BROX: variants seen among roughly 807,000 people sequenced by gnomAD.
The protein encoded by BROX is BRO1 domain-containing protein BROX.
A neutral mutation model predicts 61.0 loss-of-function variants in BROX; 53 were observed. The observed-to-expected ratio is 0.87, with a 90% CI of 0.70 to 1.09. The LOEUF (loss-of-function observed/expected upper bound fraction) is 1.09, where lower values mean the gene tolerates loss of function less well. Ranked by LOEUF, BROX falls within the 50% of genes least tolerant of loss-of-function variation. The pLI, the probability that BROX is intolerant of heterozygous loss-of-function variation, is 0.00. For missense variants in BROX, 489 were observed against 472.0 expected, an observed-to-expected ratio of 1.04 and a Z score of -0.33; for synonymous variants, 152 against 160.2, an observed-to-expected ratio of 0.95 and a Z score of 0.38.
At chr1:222,717,667 A>G (rs938729477) in intron 2 of BROX, among the ~76,000 whole-genome samples, 5 of 152,326 alleles carry the variant, frequency 3.3e-5, no homozygotes, top group Admixed American at 2.0e-4. Context: ...ATACATACAT[A>G]CTTTCTTGGA....
At position 222,715,683 on chromosome 1, in the gene BROX, GA is replaced by G; in HGVS notation, c.-13del. 7.0e-7 allele frequency: 1 copy of G among 1,423,660 alleles called. No individual in the cohort carries two copies. Among genetic ancestry groups the G allele is most frequent in the Non-Finnish European group, 9.3e-7 (1 of 1,077,406 alleles). 88.2% of individuals were successfully genotyped at this position (1,423,660 alleles called of 1,614,324 possible). A position where few individuals can be genotyped will look rare whatever the true frequency, so the allele number is the denominator to read the frequency against. ...TATATTTTTTACTTTTTTGTCTATA[GA>G]AAACATCTGGAGAAAATGACCCATT... On this transcript the variant is annotated splice_region_variant and 5_prime_UTR_variant, in exon 2 of 13. Coordinates refer to ENST00000340934, the MANE Select transcript of BROX (RefSeq NM_144695.4).
chr1:222,730,198 C>T, intron 11 of BROX, 21 bp downstream of exon 11: 1 of 1,424,360 alleles, frequency 7.0e-7, no homozygotes, highest in South Asian at 1.4e-5. Context: ...TTTAATATTA[C>T]TTTAGTAATA....
At position 222,718,959 on chromosome 1, in the gene BROX, C is replaced by G. The variant is rs1056634679; in HGVS notation, c.136C>G (p.Leu46Val). The change falls in exon 3 of 13, where the codon CTG (leucine) becomes GTG (valine). Residue 46 changes from leucine to valine, a missense_variant. Coordinates refer to ENST00000340934, the MANE Select transcript of BROX (RefSeq NM_144695.4). The part of the protein sequence containing the change: ...LRSSRARLLE[L>V]FTDLSCNPEM... The stretch of plus-strand genomic sequence containing the variant: ...GTCATCCAGGGCACGACTCCTTGAA[C>G]TGTTCACTGATTTGAGCTGTAATCC... 1.9e-5 allele frequency: 31 copies of G among 1,613,930 alleles called. No homozygotes were observed. The highest frequency in any genetic ancestry group is 2.5e-5 in the Non-Finnish European group (29 of 1,179,900).
chr1:222,731,027 C>T (rs1352107037), intron 11 of BROX, among the ~76,000 whole-genome samples: 1 of 152,104 alleles, frequency 6.6e-6, no homozygotes, highest in Non-Finnish European at 1.5e-5. Context: ...CATTCTTCCC[C>T]TTATATTCTT....
At chr1:222,726,837 A>G (rs2125030639) in intron 7 of BROX, among the ~76,000 whole-genome samples, 1 of 152,266 alleles carries the variant, frequency 6.6e-6, no homozygotes, top group East Asian at 1.9e-4. Flanking sequence ...GTAAGCCATG[A>G]TCAAGCCACT....
chr1:222,732,577 G>C, intron 12 of BROX, 51 bp from the exon 13 acceptor site: 1 of 1,315,104 alleles, frequency 7.6e-7, no homozygotes, highest in Non-Finnish European at 1.1e-6. Flanking sequence ...TTTAGTGTTT[G>C]TTTTCTCAAT....
At position 222,727,206 on chromosome 1, in the gene BROX, G is replaced by A; in HGVS notation, c.619G>A (p.Gly207Arg). 1.9e-6 allele frequency: 3 copies of A among 1,613,662 alleles called. 1 individual carries two copies. Among genetic ancestry groups the A allele is most frequent in the Non-Finnish European group, 2.5e-6 (3 of 1,179,788 alleles). The stretch of plus-strand genomic sequence containing the variant: ...AGCAATTGAACTAAAACATGCTCCT[G>A]GACTAATTGCTGCACTGGCGTATGA... ...ARAIELKHAP[G>R]LIAALAYETA... The change falls in exon 8 of 13, where the codon GGA becomes AGA. Residue 207 changes from glycine (G) to arginine (R), a missense_variant. Physicochemically the swap from Gly to Arg is moderately radical, Grantham distance 125. Transcript: ENST00000340934.
chr1:222,727,559 G>C (rs1352130635), intron 8 of BROX, among the ~76,000 whole-genome samples: 1 of 152,102 alleles, frequency 6.6e-6, no homozygotes, highest in Non-Finnish European at 1.5e-5. Flanking sequence ...AAAATCCAGA[G>C]AGTTAACATG....
intron 7 of BROX, among the ~76,000 whole-genome samples, chr1:222,726,001 T>G (rs1657471916): frequency 6.6e-6 from 1 of 152,218 alleles, no homozygotes; most frequent in Non-Finnish European, 1.5e-5. Flanking sequence ...TAAGTTTACC[T>G]TTAGCATTTG....
intron 2 of BROX, among the ~76,000 whole-genome samples, chr1:222,717,308 C>T (rs894315870): frequency 4.6e-5 from 7 of 152,152 alleles, no homozygotes; most frequent in Non-Finnish European, 7.3e-5. Flanking sequence ...GGAGGCAAGT[C>T]CCGACTTAGC....
At position 222,734,512 on chromosome 1, in the gene BROX, A is replaced by G. The variant is rs1658161932; in HGVS notation, c.*1798A>G. On this transcript the variant is annotated 3_prime_UTR_variant, in exon 13 of 13. Transcript: ENST00000340934. The stretch of plus-strand genomic sequence containing the variant: ...TGAGGTTTTTTTCTTAACATACAGA[A>G]GTACTAAATACTGCTTGCAGTATAA... 1 of 152,226 alleles carries G rather than the reference A, an allele frequency of 6.6e-6. No homozygotes were observed. The highest frequency in any genetic ancestry group is 1.5e-5 in the Non-Finnish European group (1 of 68,026). The allele number at this position is 152,226 out of a possible 1,614,324, so 9.4% of individuals were successfully genotyped here.
chr1:222,718,279 A>T (rs1656789317), intron 2 of BROX, among the ~76,000 whole-genome samples: 1 of 152,218 alleles, frequency 6.6e-6, no homozygotes, highest in Non-Finnish European at 1.5e-5. Context: ...GTGGATCTAT[A>T]ACATTTATTG....
intron 11 of BROX, among the ~76,000 whole-genome samples, chr1:222,730,470 C>T (rs554620401): frequency 2.0e-5 from 3 of 152,138 alleles, no homozygotes; most frequent in South Asian, 2.1e-4. Context: ...TGGTGGCACA[C>T]GCCTGTAAAT....
At chr1:222,722,102 A>T (rs1466833036) in intron 4 of BROX, among the ~76,000 whole-genome samples, 1 of 152,220 alleles carries the variant, frequency 6.6e-6, no homozygotes, top group Non-Finnish European at 1.5e-5. Flanking sequence ...TCTAAGCCCC[A>T]TCCCAGGCTT....
chr1:222,729,567 G>A, intron 9 of BROX, 53 bp from the exon 10 acceptor site: 1 of 1,387,442 alleles, frequency 7.2e-7, no homozygotes, highest in Non-Finnish European at 1.0e-6. Flanking sequence ...AAAACAATAG[G>A]GGAAAGCATC....
Position 222,732,798 on chromosome 1 carries a change from C to T in BROX, c.*84C>T, listed in dbSNP as rs1658040569. On this transcript the variant is annotated 3_prime_UTR_variant, in exon 13 of 13. Transcript: ENST00000340934. The stretch of plus-strand genomic sequence containing the variant: ...GTTCTTATTTCTCAAAATGATTTCT[C>T]TGAAGCTTGTAGAATAACTATTATA... 9.0e-7 allele frequency: 1 copy of T among 1,112,788 alleles called. No individual in the cohort carries two copies. The highest frequency in any genetic ancestry group is 1.6e-5 in the African/African-American group (1 of 62,690). 68.9% of individuals were successfully genotyped at this position (1,112,788 alleles called of 1,614,324 possible).
chr1:222,712,888 G>T lies in BROX; in HGVS notation c.-71G>T. ...CCTCTTTTTCTCGCTTGTGGACTCCGATATATTGCCCTTCTTCCCTTAGAA... is the reference window on the plus strand; with the variant it reads ...CCTCTTTTTCTCGCTTGTGGACTCCTATATATTGCCCTTCTTCCCTTAGAA... On this transcript the variant is annotated 5_prime_UTR_variant, in exon 1 of 13. Transcript: ENST00000340934. 1 of 1,249,326 alleles carries T rather than the reference G, an allele frequency of 8.0e-7. No individual in the cohort carries two copies. Among genetic ancestry groups the T allele is most frequent in the Non-Finnish European group, 1.0e-6 (1 of 965,340 alleles). The allele number at this position is 1,249,326 out of a possible 1,614,324, so 77.4% of individuals were successfully genotyped here.
rs1379727903 is a variant in BROX at position 222,727,213 on chromosome 1, T to C, written c.626T>C (p.Ile209Thr). 2 of 1,613,652 alleles carry C rather than the reference T, an allele frequency of 1.2e-6. No homozygotes were observed. Among genetic ancestry groups the C allele is most frequent in the South Asian group, 2.2e-5 (2 of 91,026 alleles). Residue 209 changes from isoleucine (I) to threonine (T), a missense_variant, in exon 8 of 13, where the codon ATT (isoleucine) becomes ACT (threonine). Physicochemically the swap from Ile to Thr is moderately conservative, Grantham distance 89. Transcript: ENST00000340934. ...AIELKHAPGL[I>T]AALAYETANF... ...GAACTAAAACATGCTCCTGGACTAA[T>C]TGCTGCACTGGCGTATGAAACAGCC...
intron 1 of BROX, among the ~76,000 whole-genome samples, chr1:222,715,478 C>A (rs750156826): frequency 1.3e-5 from 2 of 152,038 alleles, no homozygotes; most frequent in Non-Finnish European, 2.9e-5. Flanking sequence ...GAGGCCAAGG[C>A]GGGTGGATCA....
Sources: gnomAD v4.1 joint callset for allele counts (sites outside exome capture counted in the v4.1 genomes callset) on GRCh38, gnomAD v4.1.1 for gene constraint, MANE v1.5 for transcripts, NCBI Gene and HGNC (gene_info 2026-07-23, HGNC 2026-07-21) for gene names.